GNAS: variants seen among roughly 807,000 people sequenced by gnomAD.
GNAS encodes GNAS complex locus.
In GNAS, 8 loss-of-function variants were observed where a neutral mutation model predicts 54.5. That is an observed-to-expected ratio of 0.15 (90% CI 0.09 to 0.26). The LOEUF (loss-of-function observed/expected upper bound fraction) is 0.26, where lower values mean the gene tolerates loss of function less well. Ranked by LOEUF, GNAS falls within the 10% of genes least tolerant of loss-of-function variation. The pLI, the probability that GNAS is intolerant of heterozygous loss-of-function variation, is 1.00. For synonymous variants in GNAS, 204 were observed against 191.4 expected (o/e 1.07, Z -0.54); for missense variants, 170 against 529.8 (o/e 0.32, Z 6.67).
intron 1 of GNAS, among the ~76,000 whole-genome samples, chr20:58,844,874 C>A (rs1457326746): frequency 2.0e-5 from 3 of 152,076 alleles, no homozygotes; most frequent in Non-Finnish European, 2.9e-5. Context: ...AGGAAGAAAT[C>A]TGTTTTGTGT....
At chr20:58,892,296 C>G in intron 1 of GNAS, 1 of 497,296 alleles carries the variant, frequency 2.0e-6, no homozygotes. Context: ...AACCGGGTGG[C>G]GGGTAGAGGG....
At chr20:58,883,463 G>A (rs1374604172) in intron 1 of GNAS, among the ~76,000 whole-genome samples, 1 of 152,162 alleles carries the variant, frequency 6.6e-6, no homozygotes, top group Admixed American at 6.5e-5. Context: ...TAGAGCTGAG[G>A]TCTGTAGCTC....
intron 1 of GNAS, among the ~76,000 whole-genome samples, chr20:58,881,425 G>A (rs1467439972): frequency 1.3e-5 from 2 of 152,170 alleles, no homozygotes; most frequent in Non-Finnish European, 2.9e-5. Context: ...GGAAGGGATT[G>A]AGGAAAGCTT....
upstream of GNAS, among the ~76,000 whole-genome samples, chr20:58,890,143 G>A (rs1387755005): frequency 6.6e-6 from 1 of 151,826 alleles, no homozygotes. Context: ...CTGGAGCAGA[G>A]GCGAAAGGAG....
Position 58,853,921 on chromosome 20 carries a change from C to G in GNAS, c.43+13035C>G. The G allele has an allele frequency of 1.2e-6, 2 of 1,610,268 alleles. No individual in the cohort carries two copies. Among genetic ancestry groups the G allele is most frequent in the Non-Finnish European group, 1.7e-6 (2 of 1,178,744 alleles). On this transcript the variant is annotated intron_variant, in intron 1 of 12. Coordinates refer to the GNAS transcript ENST00000306090. The surrounding 1 kb of genome is among the most constrained non-coding windows in gnomAD (Gnocchi z 4.4). ...GGCTCCAGAGGAGGCTACAGCCCTC[C>G]CCCTGAGGAGACTATGCCATTTGAG...
At chr20:58,907,726 G>C (rs2091173744) in intron 6 of GNAS, among the ~76,000 whole-genome samples, 1 of 152,228 alleles carries the variant, frequency 6.6e-6, no homozygotes, top group Admixed American at 6.5e-5. Flanking sequence ...AGGAAACTCA[G>C]AGAAAAAGAG....
chr20:58,854,273 C>G, intron 1 of GNAS: 1 of 1,612,122 alleles, frequency 6.2e-7, no homozygotes, highest in Non-Finnish European at 8.5e-7. Flanking sequence ...ACGGCCCGCC[C>G]ATCAAGGTCT....
intron 1 of GNAS, among the ~76,000 whole-genome samples, chr20:58,851,550 C>A (rs573823720): frequency 1.2e-4 from 18 of 152,198 alleles, no homozygotes; most frequent in Non-Finnish European, 2.2e-4. Context: ...TTATGTGACC[C>A]CCTTACAGCA....
chr20:58,871,267 G>A (rs985082962), intron 1 of GNAS, among the ~76,000 whole-genome samples: 3 of 152,160 alleles, frequency 2.0e-5, no homozygotes, highest in Admixed American at 2.0e-4. Flanking sequence ...TTGAAAGAGA[G>A]AGACAAAGAG....
At chr20:58,895,060 C>T (rs895206544) in intron 1 of GNAS, 1 of 173,450 alleles carries the variant, frequency 5.8e-6, no homozygotes, top group African/African-American at 2.4e-5. Context: ...GGTAGGAAAC[C>T]TGCACAGAAA....
chr20:58,840,488 G>C, upstream of GNAS: 4 of 1,613,308 alleles, frequency 2.5e-6, no homozygotes, highest in Non-Finnish European at 3.4e-6. This position sits in a 1 kb window ranked among gnomAD's most constrained non-coding sequence, Gnocchi z 6.0. Context: ...CTTCGAGACC[G>C]AGCCTGAGAC....
At chr20:58,902,560 C>G (rs979101062) in intron 3 of GNAS, among the ~76,000 whole-genome samples, 5 of 152,044 alleles carry the variant, frequency 3.3e-5, no homozygotes, top group Admixed American at 2.0e-4. Context: ...CCTTCAACCT[C>G]TACTTACCAG....
At chr20:58,868,299 G>A (rs531460208) in intron 1 of GNAS, among the ~76,000 whole-genome samples, 27 of 152,246 alleles carry the variant, frequency 1.8e-4, no homozygotes, top group Admixed American at 2.6e-4. Context: ...GATTACAGGC[G>A]TGAGCCACCG....
At chr20:58,901,891 GTCTGCTCT>G (rs1431828489) in intron 3 of GNAS, among the ~76,000 whole-genome samples, 5 of 133,974 alleles carry the variant, frequency 3.7e-5, no homozygotes, top group African/African-American at 1.5e-4. Context: ...TCGTCTGCTC[GTCTGCTCT>G]TGCTAATTAA....
chr20:58,897,353 T>A (rs1052889584), intron 2 of GNAS: 1 of 152,174 alleles, frequency 6.6e-6, no homozygotes, highest in Non-Finnish European at 1.5e-5. Flanking sequence ...GCATAAATTT[T>A]CCCCCTGCAA....
At chr20:58,884,201 T>A (rs929199128) in intron 1 of GNAS, among the ~76,000 whole-genome samples, 4 of 152,164 alleles carry the variant, frequency 2.6e-5, no homozygotes, top group Admixed American at 2.6e-4. Context: ...GTAGATAAAA[T>A]CTGAAGATGT....
chr20:58,855,789 T>C, intron 1 of GNAS: 1 of 606,870 alleles, frequency 1.6e-6, no homozygotes. Context: ...CAGCTTGTCG[T>C]TGGTGTGTGT....
chr20:58,891,678 G>GC lies in GNAS; in HGVS notation c.-46dup, dbSNP rs1398272183. The GC allele has an allele frequency of 1.3e-4, 126 of 963,558 alleles. No individual in the cohort carries two copies. The highest frequency in any genetic ancestry group is 5.6e-4 in the Middle Eastern group (1 of 1,796). The allele number at this position is 963,558 out of a possible 1,614,324, so 59.7% of individuals were successfully genotyped here. ...TCCCGGCCCGCGTGAGGCCGCCCGC[G>GC]CCCGCCGCCGCCGCAGCCCGGCCGC... On this transcript the variant is annotated 5_prime_UTR_variant, in exon 1 of 13. Transcript: ENST00000371085.
chr20:58,854,532 G>C lies in GNAS; in HGVS notation c.43+13646G>C, dbSNP rs773948481. On this transcript the variant is annotated intron_variant, in intron 1 of 12. Transcript: ENST00000306090. ...GACAGCACCAGCCGATCCTGACTCC[G>C]GGGCATTCGCAGCCGATCCCGACTC... 1.9e-4 allele frequency: 292 copies of C among 1,574,964 alleles called. No individual in the cohort carries two copies. The highest frequency in any genetic ancestry group is 2.4e-4 in the Non-Finnish European group (278 of 1,169,826).
Sources: gnomAD v4.1 joint callset for allele counts (sites outside exome capture counted in the v4.1 genomes callset) on GRCh38, gnomAD v4.1.1 for gene constraint, Gnocchi (gnomAD v3.1) non-coding constraint, MANE v1.5 for transcripts, NCBI Gene and HGNC (gene_info 2026-07-23, HGNC 2026-07-21) for gene names.